Variants in NCAPD2 observed in about 807,000 individuals in gnomAD.
NCAPD2 encodes non-SMC condensin I complex subunit D2.
A neutral mutation model predicts 164.5 loss-of-function variants in NCAPD2; 100 were observed. That is an observed-to-expected ratio of 0.61 (90% CI 0.52 to 0.72). NCAPD2 has a LOEUF of 0.72. NCAPD2 is among the 30% of genes least tolerant of loss of function. The pLI, the probability that NCAPD2 is intolerant of heterozygous loss-of-function variation, is 0.00. For missense variants in NCAPD2, 1,560 were observed against 1,749.2 expected, an observed-to-expected ratio of 0.89 and a Z score of 1.93; for synonymous variants, 585 against 642.6, an observed-to-expected ratio of 0.91 and a Z score of 1.36.
At chr12:6,513,713 G>GTTTTTTTTTTTTTTTT (rs1303520172) in intron 6 of NCAPD2, among the ~76,000 whole-genome samples, 7 of 50,110 alleles carry the variant, frequency 1.4e-4, no homozygotes, top group African/African-American at 4.4e-4. Context: ...TGGTGACTTT[G>GTTTTTTTTTTTTTTTT]TCTTTTTTTT....
At chr12:6,530,598 G>GT in intron 29 of NCAPD2, 93 bp from the exon 30 acceptor site, 1 of 1,533,036 alleles carries the variant, frequency 6.5e-7, no homozygotes, top group South Asian at 1.2e-5. Flanking sequence ...AGTAATGTGC[G>GT]TTTAAGGCCT....
intron 7 of NCAPD2, 33 bp downstream of exon 7, chr12:6,514,425 T>G (rs777798431): frequency 7.3e-5 from 118 of 1,614,128 alleles, no homozygotes; most frequent in Middle Eastern, 3.3e-4. Context: ...CCGCCTTTTT[T>G]GTATTGCCCA....
chr12:6,515,500 C>A (rs184410528), intron 9 of NCAPD2, among the ~76,000 whole-genome samples: 37 of 152,258 alleles, frequency 2.4e-4, no homozygotes, highest in Non-Finnish European at 4.4e-4. Flanking sequence ...GATTCTGAGT[C>A]CCATCTGTTC....
At chr12:6,529,261 G>A in intron 27 of NCAPD2, 1 of 611,590 alleles carries the variant, frequency 1.6e-6, no homozygotes. Context: ...CATGGTGGCA[G>A]ACATACAGTA....
chr12:6,519,081 G>A lies in NCAPD2; in HGVS notation c.1589+1122G>A, dbSNP rs922719096. On this transcript the variant is annotated intron_variant, in intron 13 of 31. Transcript: ENST00000315579. ...TTTTTTTTATATTTTTAGTAGAGAC[G>A]GGGTTTCACCGTGTTAGCCAGGATG... Among the ~76,000 whole-genome samples the A allele has an allele frequency of 9.9e-5, 15 of 151,504 alleles. No individual in the cohort carries two copies. The East Asian group carries it at 2.7e-3, about 27-fold the overall frequency.
chr12:6,501,837 A>G (rs1313218013), intron 2 of NCAPD2, among the ~76,000 whole-genome samples: 1 of 152,196 alleles, frequency 6.6e-6, no homozygotes, highest in Non-Finnish European at 1.5e-5. Flanking sequence ...ACGCTAAATA[A>G]AGAGAGTGTT....
At position 6,528,744 on chromosome 12, in the gene NCAPD2, AG is replaced by A; in HGVS notation, c.3367del (p.Asp1123ThrfsTer3). The A allele has an allele frequency of 6.2e-7, 1 of 1,614,132 alleles. No individual in the cohort carries two copies. The highest frequency in any genetic ancestry group is 8.5e-7 in the Non-Finnish European group (1 of 1,180,000). On this transcript the variant is annotated frameshift_variant, in exon 26 of 32. Transcript: ENST00000315579. LOFTEE classifies it high-confidence loss of function. The surrounding 1 kb of genome is among the most constrained non-coding windows in gnomAD (Gnocchi z 5.1). ...CTGGTGATGACCCACCTGATCCTCA[AG>A]GACATGGTGAAGGTGAAGGGGCAGG... The part of the protein sequence containing the change: ...AGLVMTHLIL[K>X]DMVKVKGQVS...
chr12:6,521,461 T>C (rs2270175), intron 14 of NCAPD2, among the ~76,000 whole-genome samples: 27,371 of 152,200 alleles, frequency 0.18, 2,621 homozygotes, highest in East Asian at 0.34. Flanking sequence ...GCAGGAGGAT[T>C]GCTTGAGCCC....
intron 17 of NCAPD2, among the ~76,000 whole-genome samples, chr12:6,523,994 G>A (rs1473757868): frequency 6.6e-6 from 1 of 152,218 alleles, no homozygotes; most frequent in Admixed American, 6.5e-5. Context: ...ACAGCCCTGT[G>A]AGGTAGCATT....
At position 6,517,675 on chromosome 12, in the gene NCAPD2, C is replaced by T. The variant is rs1355453495; in HGVS notation, c.1400C>T (p.Ala467Val). The change falls in exon 12 of 32, where the codon GCA becomes GTA. Residue 467 changes from alanine (A) to valine (V), a missense_variant. Transcript: ENST00000315579. ...GAGATGAGGGCCCAGAGGCGAACTG[C>T]AGCAGCTTGTAAGTAGTTACTGCCT... ...LQEMRAQRRTAAASAVLDPEE... is the reference protein window; with the variant it reads ...LQEMRAQRRTVAASAVLDPEE... 6.2e-7 allele frequency: 1 copy of T among 1,614,242 alleles called. No homozygotes were observed. The highest frequency in any genetic ancestry group is 8.5e-7 in the Non-Finnish European group (1 of 1,180,044).
rs1946319156 is a variant in NCAPD2 at position 6,526,460 on chromosome 12, C to T, written c.2579C>T (p.Pro860Leu). The T allele has an allele frequency of 6.2e-7, 1 of 1,614,056 alleles. No individual in the cohort carries two copies. The highest frequency in any genetic ancestry group is 1.3e-5 in the African/African-American group (1 of 74,926). Residue 860 changes from proline to leucine, a missense_variant, in exon 21 of 32, where the codon CCA (proline) becomes CTA (leucine). By Grantham distance (98) the Pro-to-Leu change is moderately conservative. Coordinates refer to ENST00000315579, the MANE Select transcript of NCAPD2 (RefSeq NM_014865.4). ...RETVTKGFVH[P>L]DPLWIPFKEV... ...TCCTCCTCTGCAGGCTTTGTCCACC[C>T]AGACCCACTCTGGATCCCATTCAAA... is the stretch of plus-strand genomic sequence containing the variant.
chr12:6,510,054 C>G (rs1946131609), intron 3 of NCAPD2, 21 bp from the exon 4 acceptor site: 2 of 1,611,236 alleles, frequency 1.2e-6, no homozygotes, highest in Non-Finnish European at 8.5e-7. Context: ...GTCTCACCCC[C>G]ACACTTTCTT....
Position 6,528,666 on chromosome 12 carries a change from A to G in NCAPD2, c.3300-13A>G, listed in dbSNP as rs200160324. The G allele has an allele frequency of 3.1e-5, 49 of 1,605,652 alleles. No individual in the cohort carries two copies. The African/African-American group carries it at 5.6e-4, about 18-fold the overall frequency. On this transcript the variant is annotated splice_polypyrimidine_tract_variant and intron_variant, in intron 25 of 31. Transcript: ENST00000315579. The surrounding 1 kb of genome is among the most constrained non-coding windows in gnomAD (Gnocchi z 5.1). ...GAGGTCTCGGTCCCCATGACCCGCAATTCCATTCCTAGTCTCCGGGACCCT... is the reference window on the plus strand; with the variant it reads ...GAGGTCTCGGTCCCCATGACCCGCAGTTCCATTCCTAGTCTCCGGGACCCT...
At position 6,509,758 on chromosome 12, in the gene NCAPD2, C is replaced by T. The variant is rs1946129011; in HGVS notation, c.169C>T (p.Leu57=). The T allele has an allele frequency of 3.1e-6, 5 of 1,614,008 alleles. No individual in the cohort carries two copies. Among genetic ancestry groups the T allele is most frequent in the African/African-American group, 1.3e-5 (1 of 74,926 alleles). ...TCGAGCTCAGGGGCCCCTGGCTATG[C>T]TGCAGCACTTTGATACTATCTACAG... ...AFRAQGPLAM[L]QHFDTIYSIL... The change falls in exon 3 of 32, where the codon CTG becomes TTG. Residue 57 remains leucine, a synonymous_variant. Transcript: ENST00000315579.
chr12:6,510,998 G>A (rs1268110836), intron 5 of NCAPD2, 112 bp from the exon 6 acceptor site: 21 of 1,332,420 alleles, frequency 1.6e-5, no homozygotes, highest in African/African-American at 1.0e-4. Context: ...TATTTCTTCC[G>A]TATTACCTTC....
chr12:6,526,815 C>A, intron 21 of NCAPD2, 76 bp from the exon 22 acceptor site: 3 of 1,507,492 alleles, frequency 2.0e-6, no homozygotes, highest in South Asian at 1.3e-5. Flanking sequence ...AGGGGAAGAT[C>A]AGTAAAAATC....
In NCAPD2 at chr12:6,517,921, A is replaced by G. The variant is rs777603676; in HGVS notation, c.1551A>G (p.Lys517=). The stretch of plus-strand genomic sequence containing the variant: ...ATACAGAGACAACTGAAGATGTGAA[A>G]GGACGCATCTATCAACTGCTTGCCA... ...IANTETTEDV[K]GRIYQLLAKA... is the part of the protein sequence containing the mutation. The change falls in exon 13 of 32, where the codon AAA becomes AAG. Residue 517 remains lysine, a synonymous_variant. Coordinates refer to ENST00000315579, the MANE Select transcript of NCAPD2 (RefSeq NM_014865.4). The G allele has an allele frequency of 2.5e-6, 4 of 1,614,110 alleles. No individual in the cohort carries two copies. Among genetic ancestry groups the G allele is most frequent in the Non-Finnish European group, 2.5e-6 (3 of 1,180,030 alleles).
At chr12:6,530,661 C>T (rs766257452) in intron 29 of NCAPD2, 30 bp from the exon 30 acceptor site, 7 of 1,613,026 alleles carry the variant, frequency 4.3e-6, no homozygotes, top group Non-Finnish European at 5.9e-6. Flanking sequence ...TGTTTTCAGG[C>T]CTGCTCTGAA....
chr12:6,495,807 T>C (rs1386967975), intron 2 of NCAPD2, among the ~76,000 whole-genome samples: 2 of 152,188 alleles, frequency 1.3e-5, no homozygotes, highest in African/African-American at 2.4e-5. Flanking sequence ...TGGAGAGGTA[T>C]AGAGATTAAA....
Sources: gnomAD v4.1 joint callset for allele counts (sites outside exome capture counted in the v4.1 genomes callset) on GRCh38, gnomAD v4.1.1 for gene constraint, Gnocchi (gnomAD v3.1) non-coding constraint, MANE v1.5 for transcripts, NCBI Gene and HGNC (gene_info 2026-07-23, HGNC 2026-07-21) for gene names.